Variants in CELF1 observed in about 807,000 individuals in gnomAD.
CELF1 encodes the protein CUGBP Elav-like family member 1, also known as 50 kDa nuclear polyadenylated RNA-binding protein.
In CELF1, 10 loss-of-function variants were observed where a neutral mutation model predicts 61.8. The ratio of observed to expected loss-of-function variants is 0.16; its 90% CI spans 0.10 to 0.27. CELF1 has a LOEUF of 0.27. Among genes scored for constraint, CELF1 ranks in the 10% least tolerant of loss-of-function variants. CELF1 has a pLI of 1.00. For synonymous variants in CELF1, 236 were observed against 225.1 expected (o/e 1.05, Z -0.43); for missense variants, 380 against 639.1 (o/e 0.59, Z 4.37).
chr11:47,489,935 G>GTTTTTTTTTTTTTGTT (rs2090284100), intron 3 of CELF1, among the ~76,000 whole-genome samples: 1 of 48,228 alleles, frequency 2.1e-5, no homozygotes, highest in Non-Finnish European at 3.9e-5. Context: ...ATACCATCTT[G>GTTTTTTTTTTTTTGTT]TTTTTTTTTT....
intron 2 of CELF1, among the ~76,000 whole-genome samples, chr11:47,562,766 G>A (rs921583377): frequency 4.6e-5 from 7 of 151,536 alleles, no homozygotes; most frequent in East Asian, 1.9e-4. Context: ...GTGCAGTGGC[G>A]CGATCTTGGC....
At chr11:47,496,186 G>C (rs951124397) in intron 3 of CELF1, among the ~76,000 whole-genome samples, 12 of 152,210 alleles carry the variant, frequency 7.9e-5, no homozygotes, top group African/African-American at 2.9e-4. Flanking sequence ...TTTGGATAAA[G>C]GTCAATCTTC....
At chr11:47,505,400 A>G (rs563956198) in intron 1 of CELF1, among the ~76,000 whole-genome samples, 2 of 151,234 alleles carry the variant, frequency 1.3e-5, no homozygotes, top group Non-Finnish European at 3.0e-5. Context: ...TTAGGAGCCC[A>G]AGATGGGCAG....
At chr11:47,483,837 CAA>C (rs1242924626) in intron 7 of CELF1, among the ~76,000 whole-genome samples, 1 of 151,908 alleles carries the variant, frequency 6.6e-6, no homozygotes. Context: ...TGCAAAGCAC[CAA>C]AAGAGAAAAT....
At chr11:47,559,873 A>T (rs953841682) in intron 2 of CELF1, among the ~76,000 whole-genome samples, 2 of 151,970 alleles carry the variant, frequency 1.3e-5, no homozygotes, top group African/African-American at 2.4e-5. Context: ...ATTTTGGTGC[A>T]TGCCTATAAT....
intron 1 of CELF1, among the ~76,000 whole-genome samples, chr11:47,505,183 T>A (rs2094380860): frequency 6.6e-6 from 1 of 151,322 alleles, no homozygotes; most frequent in Admixed American, 6.6e-5. Flanking sequence ...TATCTGTCAG[T>A]AACACTGACC....
At chr11:47,504,012 A>G (rs1250433033) in intron 1 of CELF1, among the ~76,000 whole-genome samples, 1 of 152,016 alleles carries the variant, frequency 6.6e-6, no homozygotes, top group Non-Finnish European at 1.5e-5. Context: ...TATCTCTACA[A>G]AAAAATACAA....
intron 2 of CELF1, among the ~76,000 whole-genome samples, chr11:47,562,745 C>G (rs1365161932): frequency 1.3e-5 from 2 of 151,346 alleles, no homozygotes; most frequent in African/African-American, 4.9e-5. Flanking sequence ...CACTCTGTCA[C>G]CCAGGCTGAA....
chr11:47,534,958 T>G (rs1303706343), intron 1 of CELF1, among the ~76,000 whole-genome samples: 1 of 152,150 alleles, frequency 6.6e-6, no homozygotes, highest in East Asian at 1.9e-4. Context: ...GGATCTGTTT[T>G]TTTCAGAAGT....
intron 3 of CELF1, among the ~76,000 whole-genome samples, chr11:47,490,525 C>A (rs1038988515): frequency 6.6e-6 from 1 of 150,456 alleles, no homozygotes; most frequent in African/African-American, 2.4e-5. Flanking sequence ...CTCCCAGGTT[C>A]AAGCAATTCT....
chr11:47,497,669 T>C (rs2093361649), intron 3 of CELF1, among the ~76,000 whole-genome samples: 1 of 152,162 alleles, frequency 6.6e-6, no homozygotes, highest in South Asian at 2.1e-4. Context: ...GAATGACCTG[T>C]GTTAAGTCCA....
At chr11:47,491,524 T>C (rs1316095456) in intron 3 of CELF1, among the ~76,000 whole-genome samples, 1 of 152,194 alleles carries the variant, frequency 6.6e-6, no homozygotes, top group African/African-American at 2.4e-5. Context: ...ACTCTAGCAC[T>C]ATCTAAATTC....
intron 10 of CELF1, among the ~76,000 whole-genome samples, chr11:47,478,415 T>C (rs2081238815): frequency 1.3e-5 from 2 of 152,164 alleles, no homozygotes; most frequent in African/African-American, 4.8e-5. Context: ...AACAACAAAA[T>C]AGGAATTCAC....
upstream of CELF1, among the ~76,000 whole-genome samples, chr11:47,554,808 C>A (rs541226762): frequency 2.0e-5 from 3 of 151,924 alleles, no homozygotes; most frequent in East Asian, 5.8e-4. Flanking sequence ...ATTACAGGCG[C>A]GTGCCACGAT....
At chr11:47,501,762 G>T (rs900383616) in intron 1 of CELF1, among the ~76,000 whole-genome samples, 4 of 152,140 alleles carry the variant, frequency 2.6e-5, no homozygotes, top group African/African-American at 9.7e-5. Context: ...GGCAGAGGCT[G>T]TGGTGAGCTG....
chr11:47,541,095 C>T (rs1261262969), intron 1 of CELF1, among the ~76,000 whole-genome samples: 1 of 152,058 alleles, frequency 6.6e-6, no homozygotes, highest in Non-Finnish European at 1.5e-5. Context: ...TAGAATGTTT[C>T]CCATACACAA....
At chr11:47,504,697 T>C (rs2094322430) in intron 1 of CELF1, among the ~76,000 whole-genome samples, 1 of 150,478 alleles carries the variant, frequency 6.6e-6, no homozygotes, top group South Asian at 2.1e-4. Flanking sequence ...AGGTCAGGAG[T>C]TCTAGACCAG....
intron 13 of CELF1, 31 bp downstream of exon 13, chr11:47,475,305 A>G (rs1233700950): frequency 1.9e-6 from 3 of 1,610,108 alleles, no homozygotes; most frequent in African/African-American, 1.3e-5. Flanking sequence ...ACCGCCCCCC[A>G]TACCTGACCC....
chr11:47,547,858 C>T (rs2097016693), intron 1 of CELF1, among the ~76,000 whole-genome samples: 1 of 151,910 alleles, frequency 6.6e-6, no homozygotes, highest in Non-Finnish European at 1.5e-5. Context: ...TTAGAGGCTA[C>T]CAGAGGCTGG....
Sources: allele counts gnomAD v4.1 joint callset (sites outside exome capture counted in the v4.1 genomes callset), GRCh38; gene constraint gnomAD v4.1.1; transcripts MANE v1.5; gene names NCBI Gene and HGNC (gene_info 2026-07-23, HGNC 2026-07-21).